The following DNAAF11 variants were observed in gnomAD, a reference collection of about 807,000 sequenced individuals.
The protein encoded by DNAAF11 is leucine rich repeat containing 6.
A neutral mutation model predicts 60.8 loss-of-function variants in DNAAF11; 45 were observed. The ratio of observed to expected loss-of-function variants is 0.74; its 90% CI spans 0.58 to 0.95. The LOEUF is 0.95. Ranked by LOEUF, DNAAF11 falls within the 40% of genes least tolerant of loss-of-function variation. The pLI is 0.00. For synonymous variants in DNAAF11, 191 were observed against 183.5 expected, an observed-to-expected ratio of 1.04 and a Z score of -0.33; for missense variants, 546 against 546.2, an observed-to-expected ratio of 1.00 and a Z score of 0.00.
chr8:132,614,566 G>A (rs1268805638), intron 8 of DNAAF11, among the ~76,000 whole-genome samples: 1 of 152,168 alleles, frequency 6.6e-6, no homozygotes, highest in Non-Finnish European at 1.5e-5. Flanking sequence ...TCCTACCCAT[G>A]GGTGAGAAAA....
At chr8:132,676,786 C>G (rs72725109), upstream of DNAAF11, among the ~76,000 whole-genome samples, 8,591 of 151,914 alleles carry the variant, frequency 0.057, 291 homozygotes, top group South Asian at 0.088. Flanking sequence ...GAGATTAGAT[C>G]GGGGGTAATG....
intron 4 of DNAAF11, among the ~76,000 whole-genome samples, chr8:132,636,943 A>C (rs1250414108): frequency 6.6e-6 from 1 of 152,200 alleles, no homozygotes; most frequent in Non-Finnish European, 1.5e-5. Flanking sequence ...GAACTGAAAA[A>C]ATGCCTATTG....
intron 3 of DNAAF11, among the ~76,000 whole-genome samples, chr8:132,649,182 G>A (rs927354848): frequency 3.9e-5 from 6 of 152,078 alleles, no homozygotes; most frequent in Admixed American, 2.0e-4. Flanking sequence ...ATAGACCAAT[G>A]GAACACAACA....
intron 11 of DNAAF11, among the ~76,000 whole-genome samples, chr8:132,573,300 AT>A (rs1814408744): frequency 6.6e-6 from 1 of 152,182 alleles, no homozygotes; most frequent in Admixed American, 6.5e-5. Flanking sequence ...TCAAATGTTC[AT>A]TGAACAGATA....
chr8:132,578,349 C>T, intron 11 of DNAAF11: 3 of 953,356 alleles, frequency 3.1e-6, no homozygotes, highest in Non-Finnish European at 4.4e-6. Context: ...AGCAGCTAAG[C>T]CTGGGGCACT....
chr8:132,574,369 T>A (rs1814520718), intron 11 of DNAAF11, among the ~76,000 whole-genome samples: 1 of 152,218 alleles, frequency 6.6e-6, no homozygotes, highest in Non-Finnish European at 1.5e-5. Context: ...CCTTGCAATG[T>A]GTGCAGTCAA....
At chr8:132,593,332 C>CACAT (rs1816660055) in intron 10 of DNAAF11, among the ~76,000 whole-genome samples, 1 of 108,740 alleles carries the variant, frequency 9.2e-6, no homozygotes, top group Non-Finnish European at 1.8e-5. Flanking sequence ...TATATACATA[C>CACAT]ATATATATAT....
At chr8:132,581,489 A>C (rs1815320470) in intron 11 of DNAAF11, among the ~76,000 whole-genome samples, 1 of 151,856 alleles carries the variant, frequency 6.6e-6, no homozygotes, top group South Asian at 2.1e-4. Flanking sequence ...GTCTCTACTA[A>C]AAATACAAAA....
At chr8:132,606,358 C>T (rs1818133979) in intron 10 of DNAAF11, among the ~76,000 whole-genome samples, 1 of 152,132 alleles carries the variant, frequency 6.6e-6, no homozygotes, top group Non-Finnish European at 1.5e-5. Flanking sequence ...TCCCATGGGA[C>T]AAGATGTGGA....
chr8:132,610,055 C>A, intron 10 of DNAAF11, 111 bp downstream of exon 10: 1 of 679,536 alleles, frequency 1.5e-6, no homozygotes. Flanking sequence ...TTTCCTGGTG[C>A]TCCCAACTAA....
At chr8:132,613,483 T>C (rs539114677) in intron 8 of DNAAF11, among the ~76,000 whole-genome samples, 72 of 152,194 alleles carry the variant, frequency 4.7e-4, no homozygotes, top group African/African-American at 1.7e-3. Context: ...AATAGGCAAA[T>C]CTATAGAGAC....
Position 132,642,529 on chromosome 8 carries a change from C to A in DNAAF11, c.257-4422G>T, listed in dbSNP as rs572895880. 3.9e-5 allele frequency among the ~76,000 whole-genome samples: 6 copies of A among 152,312 alleles called. No homozygotes were observed. In the East Asian group the frequency reaches 1.2e-3, roughly 29 times the overall value. On this transcript the variant is annotated intron_variant, in intron 3 of 11. Coordinates refer to ENST00000620350, the MANE Select transcript of DNAAF11 (RefSeq NM_012472.6). ...TGCTCACACTGGAAGGATTGCCCTG[C>A]AAATAATTGCTCTGGGACATGTCAG... is the stretch of plus-strand genomic sequence containing the variant.
intron 11 of DNAAF11, among the ~76,000 whole-genome samples, chr8:132,580,798 A>G (rs1408352274): frequency 6.6e-6 from 1 of 152,222 alleles, no homozygotes; most frequent in African/African-American, 2.4e-5. Flanking sequence ...GAAAATCCCA[A>G]TACATACCTG....
At chr8:132,683,958 G>C in the DNAAF11 span, among the ~76,000 whole-genome samples, 1 of 152,182 alleles carries the variant, frequency 6.6e-6, no homozygotes, top group Non-Finnish European at 1.5e-5. Context: ...AGAAAGATTA[G>C]TGGAGTCATC....
intron 3 of DNAAF11, among the ~76,000 whole-genome samples, chr8:132,641,675 T>C (rs547256803): frequency 7.2e-5 from 11 of 152,260 alleles, no homozygotes; most frequent in African/African-American, 2.4e-4. Flanking sequence ...TTAAAGATAA[T>C]TGAGCAACTG....
At position 132,590,575 on chromosome 8, in the gene DNAAF11, A is replaced by G. The variant is rs79248513; in HGVS notation, c.1141-6796T>C. Among the ~76,000 whole-genome samples the G allele has an allele frequency of 4.2e-3, 632 of 152,270 alleles. 10 individuals carry two copies. The highest frequency in any genetic ancestry group is 0.014 in the African/African-American group (596 of 41,572). On this transcript the variant is annotated intron_variant, in intron 10 of 11. Coordinates refer to ENST00000620350, the MANE Select transcript of DNAAF11 (RefSeq NM_012472.6). Reference sequence around the variant, plus strand: ...ATACTCAAGTGTTTCCTGATTTCTCATTAGACACTTTCTTATTTATGTTGT... The same window carrying G: ...ATACTCAAGTGTTTCCTGATTTCTCGTTAGACACTTTCTTATTTATGTTGT...
intron 3 of DNAAF11, among the ~76,000 whole-genome samples, chr8:132,641,370 C>T (rs1821837764): frequency 1.3e-5 from 2 of 152,062 alleles, no homozygotes; most frequent in African/African-American, 4.8e-5. Flanking sequence ...TGATGTTCTT[C>T]TTTTTTTGTT....
In DNAAF11 at chr8:132,625,380, C is replaced by T. The variant is rs770675834; in HGVS notation, c.728G>A (p.Ser243Asn). 1.2e-6 allele frequency: 2 copies of T among 1,613,556 alleles called. No individual in the cohort carries two copies. The highest frequency in any genetic ancestry group is 2.2e-5 in the South Asian group (2 of 90,954). The stretch of plus-strand genomic sequence containing the variant: ...ATTCCAGAATTCCAAGTCATCTTCA[C>T]TGTTGTCTAATTTCTTTGTGTTGTG... ...EEHNTKKLDN[S>N]EDDLEFWNKP... is the part of the protein sequence containing the mutation. The change falls in exon 6 of 12, where the codon AGT (serine) becomes AAT (asparagine). Residue 243 changes from serine to asparagine, a missense_variant. Coordinates refer to ENST00000620350, the MANE Select transcript of DNAAF11 (RefSeq NM_012472.6).
In DNAAF11 at chr8:132,571,455, G is replaced by GTA. The variant is rs1311497325; in HGVS notation, c.*849_*850dup. On this transcript the variant is annotated 3_prime_UTR_variant, in exon 12 of 12. Transcript: ENST00000620350. ...AAAGAAGAGGTAGGATATTAAAAAA[G>GTA]TAAAGAAGGAAATAGAGGAGAAGGA... is the stretch of plus-strand genomic sequence containing the variant. 1.4e-4 allele frequency among the ~76,000 whole-genome samples: 21 copies of GTA among 151,726 alleles called. No homozygotes were observed.
Sources: gnomAD v4.1 joint callset for allele counts (sites outside exome capture counted in the v4.1 genomes callset) on GRCh38, gnomAD v4.1.1 for gene constraint, MANE v1.5 for transcripts, NCBI Gene and HGNC (gene_info 2026-07-23, HGNC 2026-07-21) for gene names.